ULK4: variants seen among roughly 807,000 people sequenced by gnomAD.
ULK4 encodes inactive serine/threonine-protein kinase ULK4.
Under a neutral mutation model 160.6 loss-of-function variants are expected in ULK4, and 133 were observed. That is an observed-to-expected ratio of 0.83 (90% CI 0.72 to 0.96). The LOEUF (loss-of-function observed/expected upper bound fraction) is 0.96. ULK4 is among the 40% of genes least tolerant of loss of function. The probability of loss-of-function intolerance (pLI) is 0.00; values close to 1 mark genes in which losing one functional copy is unlikely to be tolerated. For synonymous variants in ULK4, 534 were observed against 539.8 expected (o/e 0.99, Z 0.15); for missense variants, 1,580 against 1,499.5 (o/e 1.05, Z -0.89).
chr3:41,715,536 C>G lies in ULK4; in HGVS notation c.2488G>C (p.Gly830Arg). ...DILNSLANVS[G>R]RKHPSTVQVK... ...TGAACTGTTGATGGGTGTTTACGTC[C>G]AGAAACATTAGCCAAGGAGTTAAGA... Residue 830 changes from glycine (G) to arginine (R), a missense_variant, in exon 24 of 37, where the codon GGA (glycine) becomes CGA (arginine). By Grantham distance (125) the Gly-to-Arg change is moderately radical. Transcript: ENST00000301831. 1 of 1,614,046 alleles carries G rather than the reference C, an allele frequency of 6.2e-7. No homozygotes were observed. The highest frequency in any genetic ancestry group is 8.5e-7 in the Non-Finnish European group (1 of 1,180,006).
intron 18 of ULK4, among the ~76,000 whole-genome samples, chr3:41,824,691 C>A (rs2125636657): frequency 6.6e-6 from 1 of 152,312 alleles, no homozygotes; most frequent in East Asian, 1.9e-4. Context: ...GTGGAGCCCA[C>A]CGCAGTTCAA....
chr3:41,835,259 T>C (rs2041720633), intron 18 of ULK4, among the ~76,000 whole-genome samples: 1 of 152,152 alleles, frequency 6.6e-6, no homozygotes, highest in Admixed American at 6.5e-5. Context: ...TACTTATAAC[T>C]TACCAGTATT....
chr3:41,723,247 A>C (rs1410990747), intron 22 of ULK4, among the ~76,000 whole-genome samples: 1 of 152,064 alleles, frequency 6.6e-6, no homozygotes, highest in African/African-American at 2.4e-5. Context: ...AAGTGCCTGA[A>C]AATGTCTGTT....
At chr3:41,399,557 T>C (rs573767505) in intron 34 of ULK4, among the ~76,000 whole-genome samples, 1 of 152,124 alleles carries the variant, frequency 6.6e-6, no homozygotes, top group Non-Finnish European at 1.5e-5. Context: ...GTGACAGATA[T>C]CTAAGAATGT....
At chr3:41,864,369 T>C (rs2042570676) in intron 17 of ULK4, among the ~76,000 whole-genome samples, 2 of 116,598 alleles carry the variant, frequency 1.7e-5, no homozygotes, top group African/African-American at 2.8e-5. Flanking sequence ...TTTTGTTTTG[T>C]TTTGTTTTGT....
intron 21 of ULK4, among the ~76,000 whole-genome samples, chr3:41,775,258 AT>A (rs1228894885): frequency 6.6e-6 from 1 of 150,684 alleles, no homozygotes; most frequent in Non-Finnish European, 1.5e-5. Flanking sequence ...AAAGATTTAT[AT>A]TTTTAAATAA....
At chr3:41,856,757 T>C (rs555135045) in intron 17 of ULK4, among the ~76,000 whole-genome samples, 1 of 151,008 alleles carries the variant, frequency 6.6e-6, no homozygotes, top group East Asian at 1.9e-4. Context: ...AATAAAAAAA[T>C]TAGCCAGGCG....
chr3:41,457,345 C>T (rs904139380), intron 33 of ULK4, among the ~76,000 whole-genome samples: 1 of 152,158 alleles, frequency 6.6e-6, no homozygotes, highest in African/African-American at 2.4e-5. Context: ...CCAGATCCTC[C>T]AAGATCTGCA....
chr3:41,510,574 T>C (rs1344331919), intron 32 of ULK4, among the ~76,000 whole-genome samples: 1 of 152,218 alleles, frequency 6.6e-6, no homozygotes, highest in Non-Finnish European at 1.5e-5. Flanking sequence ...ATGGGCCATA[T>C]GATAAAGCAC....
chr3:41,306,105 C>T (rs1321987366), intron 35 of ULK4, among the ~76,000 whole-genome samples: 1 of 140,132 alleles, frequency 7.1e-6, no homozygotes, highest in African/African-American at 2.8e-5. Context: ...TCCGCCCGGC[C>T]GCCACCCCGT....
At chr3:41,514,492 C>T (rs1219738223) in intron 32 of ULK4, among the ~76,000 whole-genome samples, 1 of 152,112 alleles carries the variant, frequency 6.6e-6, no homozygotes, top group Non-Finnish European at 1.5e-5. Flanking sequence ...ACTTCATTAA[C>T]AAATCAAAGC....
chr3:41,490,853 C>G (rs1439593113), intron 32 of ULK4, among the ~76,000 whole-genome samples: 1 of 152,122 alleles, frequency 6.6e-6, no homozygotes, highest in Non-Finnish European at 1.5e-5. Context: ...ACATGGACTA[C>G]ATCTTCTAAA....
chr3:41,381,433 T>A (rs948977774), intron 35 of ULK4, among the ~76,000 whole-genome samples: 1 of 152,204 alleles, frequency 6.6e-6, no homozygotes, highest in Non-Finnish European at 1.5e-5. Flanking sequence ...TCCAGATGGA[T>A]GTTCAACAGG....
chr3:41,481,565 C>T (rs2084321388), intron 32 of ULK4, among the ~76,000 whole-genome samples: 1 of 152,100 alleles, frequency 6.6e-6, no homozygotes, highest in African/African-American at 2.4e-5. Context: ...CGGTGGCTCA[C>T]GCCTGTAATC....
At chr3:41,630,641 AGT>A (rs1347137801) in intron 30 of ULK4, among the ~76,000 whole-genome samples, 1 of 152,184 alleles carries the variant, frequency 6.6e-6, no homozygotes, top group Admixed American at 6.6e-5. Flanking sequence ...GCACTAAATT[AGT>A]GTTTAATTGA....
chr3:41,397,798 A>G (rs2082093551), intron 35 of ULK4, among the ~76,000 whole-genome samples: 1 of 152,198 alleles, frequency 6.6e-6, no homozygotes, highest in Non-Finnish European at 1.5e-5. Flanking sequence ...CAGAATATCA[A>G]TTTTATTTTA....
intron 35 of ULK4, among the ~76,000 whole-genome samples, chr3:41,328,915 C>T (rs544928721): frequency 1.4e-4 from 21 of 152,276 alleles, no homozygotes; most frequent in African/African-American, 4.8e-4. Flanking sequence ...TTTGCTTTTA[C>T]ATTTTTTACT....
chr3:41,652,498 T>C (rs1390436269), intron 30 of ULK4, among the ~76,000 whole-genome samples: 2 of 152,150 alleles, frequency 1.3e-5, no homozygotes, highest in Non-Finnish European at 2.9e-5. Context: ...AAAGGAGGGA[T>C]ATCAGCCCTA....
intron 18 of ULK4, among the ~76,000 whole-genome samples, chr3:41,825,278 G>A (rs2041304447): frequency 6.6e-6 from 1 of 152,248 alleles, no homozygotes. Flanking sequence ...AAGGAATGCA[G>A]CTCCTCACCA....
Sources: allele counts gnomAD v4.1 joint callset (sites outside exome capture counted in the v4.1 genomes callset), GRCh38; gene constraint gnomAD v4.1.1; transcripts MANE v1.5; gene names NCBI Gene and HGNC (gene_info 2026-07-23, HGNC 2026-07-21).